BEND7: variants seen among roughly 807,000 people sequenced by gnomAD.
BEND7 encodes the protein BEN domain containing 7.
BEND7 carries 28 observed loss-of-function variants against 50.9 expected under a neutral mutation model. The observed-to-expected ratio is 0.55, with a 90% CI of 0.41 to 0.75. The LOEUF is 0.75. BEND7 is among the 30% of genes least tolerant of loss of function. The pLI is 0.00. For missense variants in BEND7, 477 were observed against 491.3 expected (o/e 0.97, Z 0.28); for synonymous variants, 170 against 183.9 (o/e 0.92, Z 0.61).
At chr10:13,529,306 C>T (rs2079586041), upstream of BEND7, among the ~76,000 whole-genome samples, 1 of 151,580 alleles carries the variant, frequency 6.6e-6, no homozygotes. Flanking sequence ...CTGGGCCGAG[C>T]TAACTCCGTG....
intron 6 of BEND7, among the ~76,000 whole-genome samples, chr10:13,474,019 A>G: frequency 1.4e-5 from 2 of 146,906 alleles, no homozygotes; most frequent in South Asian, 2.2e-4. Flanking sequence ...ATTGCTGTTA[A>G]ACTCGGGGCT....
downstream of BEND7, chr10:13,441,011 CT>C: frequency 1.3e-6 from 1 of 773,134 alleles, no homozygotes; most frequent in Non-Finnish European, 1.6e-6. Context: ...TTAATGATAC[CT>C]TTTAATTAAT....
chr10:13,461,677 G>C (rs1008984421), intron 6 of BEND7, among the ~76,000 whole-genome samples: 1 of 151,742 alleles, frequency 6.6e-6, no homozygotes, highest in Non-Finnish European at 1.5e-5. Context: ...AGGTTGCAGT[G>C]AGCCAAGATG....
At chr10:13,448,345 T>C (rs971361826) in intron 7 of BEND7, among the ~76,000 whole-genome samples, 1 of 151,992 alleles carries the variant, frequency 6.6e-6, no homozygotes, top group Admixed American at 6.5e-5. Flanking sequence ...CCTCCATGGC[T>C]CAGGGCCTGT....
intron 6 of BEND7, among the ~76,000 whole-genome samples, chr10:13,469,679 G>T (rs2074613733): frequency 6.6e-6 from 1 of 152,130 alleles, no homozygotes; most frequent in Non-Finnish European, 1.5e-5. Flanking sequence ...GTTTCACCAT[G>T]TTGGCCAGGA....
At chr10:13,464,561 G>A (rs565922130) in intron 6 of BEND7, among the ~76,000 whole-genome samples, 14 of 152,268 alleles carry the variant, frequency 9.2e-5, no homozygotes, top group African/African-American at 3.4e-4. Context: ...GAGAATGGAA[G>A]GGAGAGGGAA....
At chr10:13,464,832 A>T (rs1009846809) in intron 6 of BEND7, among the ~76,000 whole-genome samples, 3 of 152,022 alleles carry the variant, frequency 2.0e-5, no homozygotes, top group Non-Finnish European at 2.9e-5. Context: ...TTTCAATTAT[A>T]CTCCTTACAC....
intron 6 of BEND7, among the ~76,000 whole-genome samples, chr10:13,473,679 G>A (rs112153117): frequency 0.02 from 3,008 of 150,388 alleles, 90 homozygotes; most frequent in African/African-American, 0.07. Context: ...ATCGCTGTTG[G>A]ACTCGGGGCC....
At chr10:13,523,074 C>T (rs566293466) in intron 2 of BEND7, among the ~76,000 whole-genome samples, 19 of 152,362 alleles carry the variant, frequency 1.2e-4, no homozygotes, top group African/African-American at 4.3e-4. Context: ...AGAACAAGGT[C>T]CCTGTCCTAT....
At chr10:13,461,981 C>T (rs1469672932) in intron 6 of BEND7, among the ~76,000 whole-genome samples, 3 of 152,166 alleles carry the variant, frequency 2.0e-5, no homozygotes, top group Non-Finnish European at 2.9e-5. Flanking sequence ...AATAATGAAA[C>T]ACATACAATG....
At chr10:13,516,106 T>C (rs1343115637) in intron 2 of BEND7, among the ~76,000 whole-genome samples, 1 of 152,200 alleles carries the variant, frequency 6.6e-6, no homozygotes, top group Non-Finnish European at 1.5e-5. Flanking sequence ...TCAAGAATAG[T>C]TATTAAGAGT....
intron 5 of BEND7, among the ~76,000 whole-genome samples, chr10:13,482,630 T>C (rs111810657): frequency 5.3e-5 from 8 of 152,378 alleles, no homozygotes; most frequent in East Asian, 1.9e-4. Context: ...CCCTCCAAAA[T>C]AGAACTTTTA....
intron 2 of BEND7, among the ~76,000 whole-genome samples, chr10:13,525,908 G>A (rs1357268647): frequency 6.6e-6 from 1 of 152,208 alleles, no homozygotes; most frequent in African/African-American, 2.4e-5. Flanking sequence ...GTGAGTGAGT[G>A]ATAATTAGCA....
intron 3 of BEND7, among the ~76,000 whole-genome samples, chr10:13,497,807 G>C (rs1461546302): frequency 6.6e-6 from 1 of 152,028 alleles, no homozygotes; most frequent in African/African-American, 2.4e-5. Context: ...AGGCCAGCAA[G>C]GTAAGTTCCA....
At chr10:13,501,283 A>C (rs1012658366) in intron 2 of BEND7, among the ~76,000 whole-genome samples, 2 of 149,810 alleles carry the variant, frequency 1.3e-5, no homozygotes, top group Middle Eastern at 6.8e-3. Context: ...CTGAGCCAGG[A>C]GAACCCGGCT....
At chr10:13,459,165 C>T (rs1177040944) in intron 6 of BEND7, among the ~76,000 whole-genome samples, 1 of 152,138 alleles carries the variant, frequency 6.6e-6, no homozygotes, top group Non-Finnish European at 1.5e-5. Flanking sequence ...CCATGTTGAA[C>T]TTGAGGATGC....
intron 2 of BEND7, among the ~76,000 whole-genome samples, chr10:13,504,892 T>C (rs138624038): frequency 6.6e-6 from 1 of 152,282 alleles, no homozygotes; most frequent in African/African-American, 2.4e-5. Flanking sequence ...CTAGATCACG[T>C]TCCTTTACGC....
chr10:13,497,027 G>T (rs1199798914), intron 3 of BEND7, 139 bp from the exon 4 acceptor site: 1 of 1,042,412 alleles, frequency 9.6e-7, no homozygotes, highest in Non-Finnish European at 1.3e-6. Flanking sequence ...TGTGCCTAAG[G>T]AAAACGTACC....
At chr10:13,510,974 T>C (rs2078234387) in intron 2 of BEND7, among the ~76,000 whole-genome samples, 1 of 152,130 alleles carries the variant, frequency 6.6e-6, no homozygotes, top group South Asian at 2.1e-4. Context: ...GGTCAGGTGT[T>C]CAAGGCCAGC....
Sources: gnomAD v4.1 joint callset for allele counts (sites outside exome capture counted in the v4.1 genomes callset) on GRCh38, gnomAD v4.1.1 for gene constraint, MANE v1.5 for transcripts, NCBI Gene and HGNC (gene_info 2026-07-23, HGNC 2026-07-21) for gene names.